PTPRD: variants seen among roughly 807,000 people sequenced by gnomAD.
The protein encoded by PTPRD is receptor-type tyrosine-protein phosphatase delta.
In PTPRD, 34 loss-of-function variants were observed where a neutral mutation model predicts 214.5. That is an observed-to-expected ratio of 0.16 (90% CI 0.12 to 0.21). The LOEUF (loss-of-function observed/expected upper bound fraction) is 0.21, where lower values mean the gene tolerates loss of function less well. Ranked by LOEUF, PTPRD falls within the 10% of genes least tolerant of loss-of-function variation. PTPRD has a pLI of 1.00. For synonymous variants in PTPRD, 1,128 were observed against 845.7 expected, an observed-to-expected ratio of 1.33 and a Z score of -5.79; for missense variants, 2,545 against 2,398.7, an observed-to-expected ratio of 1.06 and a Z score of -1.27.
intron 9 of PTPRD, among the ~76,000 whole-genome samples, chr9:9,293,524 T>C (rs2134227270): frequency 6.6e-6 from 1 of 151,666 alleles, no homozygotes; most frequent in African/African-American, 2.4e-5. Flanking sequence ...TTATTATTAC[T>C]GACTAATGCT....
chr9:9,676,536 T>C (rs1292744098), intron 7 of PTPRD, among the ~76,000 whole-genome samples: 1 of 152,088 alleles, frequency 6.6e-6, no homozygotes, highest in Non-Finnish European at 1.5e-5. Flanking sequence ...TTGATGGACA[T>C]TTGGCTTGGT....
At chr9:10,126,428 C>T (rs200170092) in intron 3 of PTPRD, among the ~76,000 whole-genome samples, 972 of 76,814 alleles carry the variant, frequency 0.013, 11 homozygotes, top group African/African-American at 0.049. Context: ...TTTATATATA[C>T]ACACACACAC....
chr9:8,976,172 G>A (rs1011983932), intron 11 of PTPRD, among the ~76,000 whole-genome samples: 3 of 151,906 alleles, frequency 2.0e-5, no homozygotes, highest in Admixed American at 2.0e-4. Flanking sequence ...GCTATCTTTT[G>A]CCCTATCTGG....
intron 9 of PTPRD, among the ~76,000 whole-genome samples, chr9:9,233,820 G>C (rs774791772): frequency 6.6e-6 from 1 of 152,174 alleles, no homozygotes; most frequent in Non-Finnish European, 1.5e-5. Flanking sequence ...TGCATGACGT[G>C]GGCTCCCACG....
intron 12 of PTPRD, among the ~76,000 whole-genome samples, chr9:8,732,434 C>G (rs749671974): frequency 2.0e-5 from 3 of 152,084 alleles, no homozygotes; most frequent in Non-Finnish European, 2.9e-5. Context: ...AATAATAAAA[C>G]CATAGTCTCA....
chr9:10,207,343 C>T (rs534832148), intron 3 of PTPRD, among the ~76,000 whole-genome samples: 25 of 151,978 alleles, frequency 1.6e-4, no homozygotes, highest in Non-Finnish European at 3.2e-4. Context: ...AATTCTTTCT[C>T]TGCATTTATG....
chr9:8,765,518 T>A (rs1475623925), intron 11 of PTPRD, among the ~76,000 whole-genome samples: 7 of 152,150 alleles, frequency 4.6e-5, no homozygotes, highest in Admixed American at 3.9e-4. Flanking sequence ...GCGGGTATTA[T>A]CAGTCCTGCC....
chr9:8,946,582 G>C (rs999887285), intron 11 of PTPRD, among the ~76,000 whole-genome samples: 2 of 152,148 alleles, frequency 1.3e-5, no homozygotes, highest in African/African-American at 2.4e-5. Flanking sequence ...CAACACTCTT[G>C]CATTCTTCTA....
At chr9:10,115,540 T>C (rs2098723694) in intron 3 of PTPRD, among the ~76,000 whole-genome samples, 1 of 152,114 alleles carries the variant, frequency 6.6e-6, no homozygotes, top group Non-Finnish European at 1.5e-5. Context: ...ACTTGCCATG[T>C]TTTAATGTCC....
intron 4 of PTPRD, among the ~76,000 whole-genome samples, chr9:9,973,770 A>C (rs1695420831): frequency 6.6e-6 from 1 of 152,094 alleles, no homozygotes; most frequent in African/African-American, 2.4e-5. Flanking sequence ...GCACAGAGTA[A>C]GGAGTCTTTT....
At chr9:9,497,205 G>C (rs2096233042) in intron 8 of PTPRD, among the ~76,000 whole-genome samples, 2 of 152,142 alleles carry the variant, frequency 1.3e-5, no homozygotes, top group African/African-American at 4.8e-5. Context: ...AATATATTTA[G>C]TGCCACTGAG....
chr9:10,503,569 C>T (rs1053758017), intron 2 of PTPRD, among the ~76,000 whole-genome samples: 1 of 151,974 alleles, frequency 6.6e-6, no homozygotes, highest in East Asian at 1.9e-4. Context: ...GGTACTTTAT[C>T]TTTTACTTAA....
At chr9:8,432,408 C>A (rs1316669444) in intron 35 of PTPRD, among the ~76,000 whole-genome samples, 1 of 152,178 alleles carries the variant, frequency 6.6e-6, no homozygotes, top group Non-Finnish European at 1.5e-5. Flanking sequence ...CTCATAGGAT[C>A]TAATAATACT....
chr9:10,606,008 C>T (rs1302600283), intron 2 of PTPRD, among the ~76,000 whole-genome samples: 1 of 151,850 alleles, frequency 6.6e-6, no homozygotes, highest in African/African-American at 2.4e-5. Flanking sequence ...GGTGCAACTT[C>T]TAAGAGTAGT....
chr9:10,342,022 G>C (rs144768451), intron 2 of PTPRD, among the ~76,000 whole-genome samples: 1 of 152,126 alleles, frequency 6.6e-6, no homozygotes, highest in East Asian at 1.9e-4. Context: ...TGTATGCTAG[G>C]ATCAATAAAT....
intron 11 of PTPRD, among the ~76,000 whole-genome samples, chr9:8,849,645 G>C (rs1483570477): frequency 6.6e-6 from 1 of 152,178 alleles, no homozygotes; most frequent in Non-Finnish European, 1.5e-5. Flanking sequence ...TAAGAGAAAG[G>C]AGATTCCAGG....
chr9:9,421,900 A>T (rs1260346782), intron 8 of PTPRD, among the ~76,000 whole-genome samples: 2 of 152,046 alleles, frequency 1.3e-5, no homozygotes, highest in Non-Finnish European at 2.9e-5. Context: ...TGAAAGTCTG[A>T]TCCAGATTGA....
At chr9:10,602,210 G>A (rs2078158192) in intron 2 of PTPRD, among the ~76,000 whole-genome samples, 2 of 151,862 alleles carry the variant, frequency 1.3e-5, no homozygotes, top group South Asian at 2.1e-4. Context: ...GACATAAGAA[G>A]TGTCGATCCA....
intron 44 of PTPRD, among the ~76,000 whole-genome samples, chr9:8,324,451 C>CTCACCAT (rs1459621224): frequency 1.3e-5 from 2 of 149,244 alleles, no homozygotes; most frequent in African/African-American, 2.4e-5. Flanking sequence ...TATGGCTGCA[C>CTCACCAT]AGTATTCCAT....
Sources: allele counts gnomAD v4.1 joint callset (sites outside exome capture counted in the v4.1 genomes callset), GRCh38; gene constraint gnomAD v4.1.1; transcripts MANE v1.5; gene names NCBI Gene and HGNC (gene_info 2026-07-23, HGNC 2026-07-21).